STMN4: variants seen among roughly 807,000 people sequenced by gnomAD.
The protein encoded by STMN4 is stathmin 4.
Under a neutral mutation model 29.1 loss-of-function variants are expected in STMN4, and 12 were observed. The observed-to-expected ratio is 0.41, with a 90% CI of 0.26 to 0.67. The LOEUF (loss-of-function observed/expected upper bound fraction) is 0.67. Ranked by LOEUF, STMN4 falls within the 30% of genes least tolerant of loss-of-function variation. The pLI, the probability that STMN4 is intolerant of heterozygous loss-of-function variation, is 0.30. For missense variants in STMN4, 181 were observed against 262.8 expected, an observed-to-expected ratio of 0.69 and a Z score of 2.15; for synonymous variants, 114 against 105.3, an observed-to-expected ratio of 1.08 and a Z score of -0.51.
intron 1 of STMN4, among the ~76,000 whole-genome samples, chr8:27,248,718 G>A (rs966617809): frequency 1.3e-5 from 2 of 152,186 alleles, no homozygotes; most frequent in East Asian, 1.9e-4. Context: ...TTATACCGTC[G>A]TCACACAGGT....
At chr8:27,241,296 T>C (rs1361828912) in intron 4 of STMN4, 34 bp from the exon 5 acceptor site, 5 of 1,613,072 alleles carry the variant, frequency 3.1e-6, no homozygotes, top group African/African-American at 1.3e-5. Flanking sequence ...GCTCACGTCC[T>C]GAAGAATGCA....
intron 6 of STMN4, chr8:27,239,232 A>T (rs1274016491): frequency 6.5e-7 from 1 of 1,535,534 alleles, no homozygotes; most frequent in East Asian, 2.4e-5. Flanking sequence ...TCACCATGGG[A>T]CGAGGCCACC....
intron 1 of STMN4, among the ~76,000 whole-genome samples, chr8:27,248,767 T>G (rs939768268): frequency 4.6e-5 from 7 of 152,206 alleles, no homozygotes; most frequent in Non-Finnish European, 8.8e-5. Context: ...CTCATGTGTT[T>G]CATTGGAAAG....
intron 3 of STMN4, 34 bp from the exon 4 acceptor site, chr8:27,241,791 C>T (rs775475174): frequency 1.2e-6 from 2 of 1,612,454 alleles, no homozygotes; most frequent in Non-Finnish European, 8.5e-7. Context: ...GTCATCCGAG[C>T]ATGCCTGTTC....
rs1359788080 is a variant in STMN4, at chr8:27,249,241, G to A, written c.-78-5440C>T. Among the ~76,000 whole-genome samples the A allele has an allele frequency of 2.0e-5, 3 of 152,156 alleles. No individual in the cohort carries two copies. In the East Asian group the frequency reaches 5.8e-4, roughly 29 times the overall value. On this transcript the variant is annotated intron_variant, in intron 1 of 6. Transcript: ENST00000350889. The stretch of plus-strand genomic sequence containing the variant: ...GTGGGGAGAAAAAGGTGGTTAAAGT[G>A]AAGAGATCAGAGCCCTCGATTTCAC...
chr8:27,244,077 C>T (rs576115418), intron 1 of STMN4, among the ~76,000 whole-genome samples: 5 of 152,292 alleles, frequency 3.3e-5, no homozygotes, highest in South Asian at 4.1e-4. Context: ...TTCCCAAAAA[C>T]GTATGGATCA....
In STMN4 at chr8:27,241,772, C is replaced by A; in HGVS notation, c.110-15G>T. On this transcript the variant is annotated splice_polypyrimidine_tract_variant and intron_variant, in intron 3 of 6. Coordinates refer to ENST00000350889, the MANE Select transcript of STMN4 (RefSeq NM_030795.4). Reference sequence around the variant, plus strand: ...CCCACACCAGCCTAGACAGAAAAAACAACCTCAGGTCATCCGAGCATGCCT... The same window carrying A: ...CCCACACCAGCCTAGACAGAAAAAAAAACCTCAGGTCATCCGAGCATGCCT... The A allele has an allele frequency of 6.2e-7, 1 of 1,614,186 alleles. No individual in the cohort carries two copies. The highest frequency in any genetic ancestry group is 8.5e-7 in the Non-Finnish European group (1 of 1,180,010).
chr8:27,256,741 G>A (rs1801952654), intron 1 of STMN4, among the ~76,000 whole-genome samples: 1 of 152,122 alleles, frequency 6.6e-6, no homozygotes, highest in Non-Finnish European at 1.5e-5. Context: ...CAATCCATAA[G>A]TTGATTTCAC....
intron 1 of STMN4, among the ~76,000 whole-genome samples, chr8:27,246,393 G>A (rs528160632): frequency 1.4e-4 from 22 of 152,262 alleles, no homozygotes; most frequent in East Asian, 7.7e-4. Flanking sequence ...TTTAATTTTC[G>A]TAATAGCCTC....
intron 2 of STMN4, 110 bp from the exon 3 acceptor site, chr8:27,242,602 A>T: frequency 9.7e-7 from 1 of 1,028,286 alleles, no homozygotes; most frequent in South Asian, 1.4e-5. Context: ...AGGCACTCAA[A>T]CCACGCAGGC....
At chr8:27,243,213 G>A (rs1056398387) in intron 2 of STMN4, among the ~76,000 whole-genome samples, 6 of 152,156 alleles carry the variant, frequency 3.9e-5, no homozygotes, top group Admixed American at 1.3e-4. Context: ...CTAGCACAGC[G>A]CAGGTGTTGC....
At chr8:27,255,076 AT>A (rs1461420141) in intron 1 of STMN4, among the ~76,000 whole-genome samples, 2 of 152,092 alleles carry the variant, frequency 1.3e-5, no homozygotes, top group Non-Finnish European at 2.9e-5. Context: ...AAAAAAAACA[AT>A]TTTTAAATGG....
chr8:27,239,711 C>A, intron 6 of STMN4: 2 of 1,446,642 alleles, frequency 1.4e-6, no homozygotes, highest in Non-Finnish European at 1.8e-6. Context: ...GACATATATG[C>A]TCCCTAAGGC....
chr8:27,256,831 A>C (rs1563425123), intron 1 of STMN4, among the ~76,000 whole-genome samples: 1 of 152,124 alleles, frequency 6.6e-6, no homozygotes, highest in Non-Finnish European at 1.5e-5. Flanking sequence ...TCTCCTCTAA[A>C]GCCTCCCTGC....
chr8:27,256,827 C>T (rs1801954898), intron 1 of STMN4, among the ~76,000 whole-genome samples: 2 of 152,134 alleles, frequency 1.3e-5, no homozygotes, highest in African/African-American at 4.8e-5. Context: ...AAAATCTCCT[C>T]TAAAGCCTCC....
At chr8:27,246,829 G>A (rs370155276) in intron 1 of STMN4, among the ~76,000 whole-genome samples, 5 of 152,168 alleles carry the variant, frequency 3.3e-5, no homozygotes, top group African/African-American at 1.2e-4. Flanking sequence ...CCAGCCTCCC[G>A]GTTAGTGGTA....
At chr8:27,241,030 A>G (rs1265147036) in intron 5 of STMN4, 24 bp downstream of exon 5, 6 of 1,599,876 alleles carry the variant, frequency 3.8e-6, no homozygotes, top group Non-Finnish European at 4.3e-6. Context: ...GAGAGGGAGG[A>G]AAGAAGGAAG....
At chr8:27,252,802 T>C (rs2130156640) in intron 1 of STMN4, among the ~76,000 whole-genome samples, 1 of 152,286 alleles carries the variant, frequency 6.6e-6, no homozygotes, top group South Asian at 2.1e-4. Flanking sequence ...CTACCCTAGA[T>C]GTAAATGCAA....
At chr8:27,239,158 GGACCTGTTGCCAAGGGCCTGA>G in intron 6 of STMN4, 1 of 1,503,102 alleles carries the variant, frequency 6.7e-7, no homozygotes. Flanking sequence ...GATCCTTCTA[GGACCTGTTGCCAAGGGCCTGA>G]GACTCTAGGT....
Sources: allele counts gnomAD v4.1 joint callset (sites outside exome capture counted in the v4.1 genomes callset), GRCh38; gene constraint gnomAD v4.1.1; transcripts MANE v1.5; gene names NCBI Gene and HGNC (gene_info 2026-07-23, HGNC 2026-07-21).